Variants in GALNT13 observed in about 807,000 individuals in gnomAD.
The protein encoded by GALNT13 is UDP-GalNAc:polypeptide N-acetylgalactosaminyltransferase 13.
In GALNT13, 28 loss-of-function variants were observed where a neutral mutation model predicts 64.2. The ratio of observed to expected loss-of-function variants is 0.44; its 90% CI spans 0.32 to 0.60. GALNT13 has a LOEUF of 0.60. Ranked by LOEUF, GALNT13 falls within the 20% of genes least tolerant of loss-of-function variation. GALNT13 has a pLI of 0.05. For missense variants in GALNT13, 577 were observed against 669.8 expected (o/e 0.86, Z 1.53); for synonymous variants, 214 against 224.6 (o/e 0.95, Z 0.42).
chr2:154,240,045 A>G (rs560331557), intron 4 of GALNT13, among the ~76,000 whole-genome samples: 11 of 152,352 alleles, frequency 7.2e-5, no homozygotes, highest in African/African-American at 2.6e-4. Flanking sequence ...CTAGCTCTTC[A>G]GAATATTTTA....
chr2:154,394,652 A>C (rs1698972871), intron 9 of GALNT13, among the ~76,000 whole-genome samples: 1 of 152,196 alleles, frequency 6.6e-6, no homozygotes, highest in African/African-American at 2.4e-5. Context: ...CTAGTGATTT[A>C]TTTTTGTAAA....
chr2:153,753,078 G>A, the GALNT13 span, among the ~76,000 whole-genome samples: 2 of 151,914 alleles, frequency 1.3e-5, no homozygotes, highest in East Asian at 1.9e-4. Context: ...TTTAGCTCCC[G>A]AATTTCTGCT....
the GALNT13 span, among the ~76,000 whole-genome samples, chr2:153,760,841 C>T: frequency 1.3e-5 from 2 of 152,122 alleles, no homozygotes; most frequent in African/African-American, 2.4e-5. Flanking sequence ...AATCCTCACT[C>T]TGATTGTATT....
At chr2:153,405,945 G>T in the GALNT13 span, among the ~76,000 whole-genome samples, 2 of 152,144 alleles carry the variant, frequency 1.3e-5, no homozygotes, top group African/African-American at 4.8e-5. Context: ...CGCTTCGTAG[G>T]GTTTCAGGTG....
chr2:153,248,995 C>T, the GALNT13 span, among the ~76,000 whole-genome samples: 1 of 152,120 alleles, frequency 6.6e-6, no homozygotes, highest in African/African-American at 2.4e-5. Context: ...TCTCTCAGCA[C>T]TCCTATTCAA....
At chr2:153,481,637 C>A in the GALNT13 span, among the ~76,000 whole-genome samples, 11 of 152,086 alleles carry the variant, frequency 7.2e-5, no homozygotes, top group Non-Finnish European at 1.3e-4. Flanking sequence ...GAGTTAAAGG[C>A]CCAGTATTTT....
At chr2:153,380,435 G>T in the GALNT13 span, among the ~76,000 whole-genome samples, 1 of 152,102 alleles carries the variant, frequency 6.6e-6, no homozygotes, top group African/African-American at 2.4e-5. Flanking sequence ...ATGCACAACT[G>T]CCCTCCATCC....
At chr2:154,057,632 C>G (rs1305735554) in intron 3 of GALNT13, among the ~76,000 whole-genome samples, 2 of 152,118 alleles carry the variant, frequency 1.3e-5, no homozygotes, top group South Asian at 4.1e-4. Context: ...CATAATCCAG[C>G]TCTGCAGCAG....
intron 8 of GALNT13, among the ~76,000 whole-genome samples, chr2:154,263,175 G>C (rs561066820): frequency 6.6e-6 from 1 of 152,148 alleles, no homozygotes; most frequent in Non-Finnish European, 1.5e-5. Context: ...TTACAAGTAT[G>C]GACTGGGATT....
At chr2:153,080,596 A>G in the GALNT13 span, among the ~76,000 whole-genome samples, 1 of 152,106 alleles carries the variant, frequency 6.6e-6, no homozygotes, top group African/African-American at 2.4e-5. Flanking sequence ...GAAAAAAGAT[A>G]TATTATCTAT....
At chr2:153,595,788 C>T in the GALNT13 span, among the ~76,000 whole-genome samples, 1 of 152,134 alleles carries the variant, frequency 6.6e-6, no homozygotes, top group African/African-American at 2.4e-5. Flanking sequence ...AGATGAACCA[C>T]TAGAATCATT....
At chr2:153,229,619 A>C in the GALNT13 span, among the ~76,000 whole-genome samples, 1 of 152,178 alleles carries the variant, frequency 6.6e-6, no homozygotes, top group Non-Finnish European at 1.5e-5. Context: ...ACAAGTATGA[A>C]TAGAATTTCT....
the GALNT13 span, among the ~76,000 whole-genome samples, chr2:153,851,840 G>C: frequency 6.6e-6 from 1 of 152,116 alleles, no homozygotes; most frequent in African/African-American, 2.4e-5. Flanking sequence ...CTGTTTAAAG[G>C]AACAAAAATG....
the GALNT13 span, among the ~76,000 whole-genome samples, chr2:153,860,006 A>G: frequency 6.6e-6 from 1 of 152,202 alleles, no homozygotes. Context: ...ACTAAAAGGT[A>G]GATTTTTTTG....
At chr2:153,721,162 T>C in the GALNT13 span, among the ~76,000 whole-genome samples, 3 of 147,252 alleles carry the variant, frequency 2.0e-5, no homozygotes, top group South Asian at 2.2e-4. Flanking sequence ...ATATTCAACA[T>C]TCTTAAAGAA....
At chr2:153,842,471 G>A in the GALNT13 span, among the ~76,000 whole-genome samples, 2 of 152,042 alleles carry the variant, frequency 1.3e-5, no homozygotes, top group East Asian at 3.9e-4. Context: ...AAGAGTAAGG[G>A]TGAACTAGAA....
At chr2:153,409,882 C>T in the GALNT13 span, among the ~76,000 whole-genome samples, 2 of 152,070 alleles carry the variant, frequency 1.3e-5, no homozygotes, top group Admixed American at 1.3e-4. Flanking sequence ...GAAGGTCATA[C>T]AATGTGCCAA....
the GALNT13 span, among the ~76,000 whole-genome samples, chr2:153,848,689 T>C: frequency 6.6e-6 from 1 of 152,048 alleles, no homozygotes; most frequent in African/African-American, 2.4e-5. Context: ...TGAAAAAATA[T>C]ATGCTATCAA....
chr2:154,143,875 A>G (rs1440863378), intron 4 of GALNT13, among the ~76,000 whole-genome samples: 1 of 151,228 alleles, frequency 6.6e-6, no homozygotes, highest in East Asian at 1.9e-4. Flanking sequence ...AAAAAAAAAA[A>G]AAAAAAAAAA....
Sources: allele counts gnomAD v4.1 joint callset (sites outside exome capture counted in the v4.1 genomes callset), GRCh38; gene constraint gnomAD v4.1.1; transcripts MANE v1.5; gene names NCBI Gene and HGNC (gene_info 2026-07-23, HGNC 2026-07-21).